Variants in LDLRAD4 observed in about 807,000 individuals in gnomAD.
The protein encoded by LDLRAD4 is low-density lipoprotein receptor class A domain-containing protein 4.
Under a neutral mutation model 17.0 loss-of-function variants are expected in LDLRAD4, and 5 were observed. That is an observed-to-expected ratio of 0.29 (90% confidence interval 0.15 to 0.62). The LOEUF is 0.62. LDLRAD4 is among the 20% of genes least tolerant of loss of function. LDLRAD4 has a pLI of 0.84. For missense variants in LDLRAD4, 340 were observed against 424.7 expected (o/e 0.80, Z 1.75); for synonymous variants, 168 against 171.8 (o/e 0.98, Z 0.17).
chr18:13,267,421 AC>A (rs924473977), intron 1 of LDLRAD4, among the ~76,000 whole-genome samples: 2 of 152,222 alleles, frequency 1.3e-5, no homozygotes, highest in African/African-American at 4.8e-5. Flanking sequence ...CACCCGTTCC[AC>A]CTGTCACATG....
At chr18:13,287,504 C>A (rs2045696389) in intron 1 of LDLRAD4, among the ~76,000 whole-genome samples, 1 of 152,162 alleles carries the variant, frequency 6.6e-6, no homozygotes, top group South Asian at 2.1e-4. Flanking sequence ...CCGGTGCTTC[C>A]CTCTGGAGAG....
At chr18:13,258,904 C>T (rs999727312) in intron 1 of LDLRAD4, among the ~76,000 whole-genome samples, 8 of 152,306 alleles carry the variant, frequency 5.3e-5, no homozygotes, top group African/African-American at 1.7e-4. Flanking sequence ...CATCTAAAAG[C>T]AGGTCATGAT....
chr18:13,228,941 C>G (rs1461639291), intron 1 of LDLRAD4, among the ~76,000 whole-genome samples: 3 of 152,330 alleles, frequency 2.0e-5, no homozygotes, highest in African/African-American at 7.2e-5. Flanking sequence ...TGAAGCGGAG[C>G]AGTTGTTATC....
At chr18:13,257,766 G>C (rs1163561486) in intron 1 of LDLRAD4, among the ~76,000 whole-genome samples, 2 of 152,212 alleles carry the variant, frequency 1.3e-5, no homozygotes, top group African/African-American at 2.4e-5. Flanking sequence ...GAGAGACCAG[G>C]GATGCTGTTA....
chr18:13,637,157 C>T (rs2042155521), intron 4 of LDLRAD4, among the ~76,000 whole-genome samples: 1 of 151,886 alleles, frequency 6.6e-6, no homozygotes. Context: ...TCCACTGCCT[C>T]CCTATGTGAC....
chr18:13,335,311 T>C (rs538659338), intron 1 of LDLRAD4, among the ~76,000 whole-genome samples: 6 of 152,332 alleles, frequency 3.9e-5, no homozygotes, highest in African/African-American at 1.2e-4. Context: ...TTACTTGTTA[T>C]TAGTCAGTTT....
At chr18:13,365,755 CA>C (rs1009799094) in intron 1 of LDLRAD4, among the ~76,000 whole-genome samples, 36 of 152,358 alleles carry the variant, frequency 2.4e-4, no homozygotes, top group African/African-American at 7.5e-4. Context: ...ATTTTGACCA[CA>C]AGGATACACT....
intron 1 of LDLRAD4, among the ~76,000 whole-genome samples, chr18:13,320,844 A>G (rs2081177797): frequency 6.6e-6 from 1 of 152,152 alleles, no homozygotes; most frequent in South Asian, 2.1e-4. Flanking sequence ...GTTCAAGTTT[A>G]ATTCAGGAGT....
In LDLRAD4 at chr18:13,621,152, G is replaced by C. The variant is rs200805362; in HGVS notation, c.217G>C (p.Val73Leu). The C allele has an allele frequency of 1.2e-6, 2 of 1,614,210 alleles. No individual in the cohort carries two copies. Reference sequence around the variant, plus strand: ...GTTCGCCCAAATCATCATCATCGTCGTGGTGGTCACGGTGATGGTGGTGGT... The same window carrying C: ...GTTCGCCCAAATCATCATCATCGTCCTGGTGGTCACGGTGATGGTGGTGGT... The change falls in exon 4 of 6, where the codon GTG becomes CTG. Residue 73 changes from valine (V) to leucine (L), a missense_variant. Coordinates refer to ENST00000359446, the Ensembl canonical transcript of LDLRAD4. This position sits in a 1 kb window ranked among gnomAD's most constrained non-coding sequence, Gnocchi z 5.5.
At chr18:13,375,089 G>A (rs1199199669) in intron 1 of LDLRAD4, among the ~76,000 whole-genome samples, 1 of 152,326 alleles carries the variant, frequency 6.6e-6, no homozygotes, top group South Asian at 2.1e-4. Context: ...GGAAGGGGAC[G>A]GTAGTGGAGC....
chr18:13,430,135 G>A (rs1270739905), intron 2 of LDLRAD4, among the ~76,000 whole-genome samples: 1 of 152,114 alleles, frequency 6.6e-6, no homozygotes, highest in Non-Finnish European at 1.5e-5. Flanking sequence ...GAGGATAAAT[G>A]CTGCCAGGCA....
chr18:13,218,392 C>T (rs2041266408), upstream of LDLRAD4, among the ~76,000 whole-genome samples: 1 of 152,214 alleles, frequency 6.6e-6, no homozygotes, highest in African/African-American at 2.4e-5. Context: ...TTTCTGTTTC[C>T]TGGTGCCCTG....
intron 3 of LDLRAD4, among the ~76,000 whole-genome samples, chr18:13,564,685 C>T (rs555558912): frequency 3.8e-5 from 5 of 131,236 alleles, no homozygotes; most frequent in Non-Finnish European, 8.5e-5. Flanking sequence ...CCCACGACCC[C>T]GCCTCTGCGC....
chr18:13,424,418 A>G (rs992356873), intron 2 of LDLRAD4, among the ~76,000 whole-genome samples: 1 of 152,152 alleles, frequency 6.6e-6, no homozygotes, highest in African/African-American at 2.4e-5. Flanking sequence ...ACTCAGCCCC[A>G]AAGTGCACTG....
intron 3 of LDLRAD4, among the ~76,000 whole-genome samples, chr18:13,578,363 GATTGACTA>G (rs1174001524): frequency 6.6e-6 from 1 of 152,118 alleles, no homozygotes; most frequent in African/African-American, 2.4e-5. Context: ...CCTAAAACTA[GATTGACTA>G]ATCTGGGTCC....
Position 13,645,449 on chromosome 18 carries a change from G to C in LDLRAD4, c.713G>C (p.Ser238Thr), listed in dbSNP as rs777917220. Residue 238 changes from serine to threonine, a missense_variant, in exon 6 of 6, where the codon AGT becomes ACT. Ser to Thr is a moderately conservative substitution (Grantham distance 58). Transcript: ENST00000359446. This position sits in a 1 kb window ranked among gnomAD's most constrained non-coding sequence, Gnocchi z 5.7. ...CCACCCAGCAGCAACTCGGGCATCA[G>C]TGCAAGCACCTGCAGCAGTAACGGG... 3 of 1,613,694 alleles carry C rather than the reference G, an allele frequency of 1.9e-6. No homozygotes were observed. The East Asian group carries it at 6.7e-5, about 36-fold the overall frequency.
chr18:13,345,913 T>G (rs2082657394), intron 1 of LDLRAD4, among the ~76,000 whole-genome samples: 1 of 152,184 alleles, frequency 6.6e-6, no homozygotes, highest in African/African-American at 2.4e-5. Context: ...TTCTGGGGGT[T>G]CAATGGTGAT....
chr18:13,383,882 C>G (rs1229297067), intron 1 of LDLRAD4, among the ~76,000 whole-genome samples: 1 of 152,216 alleles, frequency 6.6e-6, no homozygotes, highest in Non-Finnish European at 1.5e-5. Context: ...GGTAGCTAAT[C>G]TTTGTTGCTA....
At chr18:13,306,233 G>A (rs1157146588) in intron 1 of LDLRAD4, among the ~76,000 whole-genome samples, 1 of 152,222 alleles carries the variant, frequency 6.6e-6, no homozygotes, top group Non-Finnish European at 1.5e-5. Flanking sequence ...AAATGCAGTT[G>A]GGTTTATGAA....
Sources: gnomAD v4.1 joint callset for allele counts (sites outside exome capture counted in the v4.1 genomes callset) on GRCh38, gnomAD v4.1.1 for gene constraint, Gnocchi (gnomAD v3.1) non-coding constraint, MANE v1.5 for transcripts, NCBI Gene and HGNC (gene_info 2026-07-23, HGNC 2026-07-21) for gene names.